Variants in SLC45A2 observed in about 807,000 individuals in gnomAD.
SLC45A2 encodes the protein solute carrier family 45 member 2, also known as membrane-associated transporter protein.
Under a neutral mutation model 45.5 loss-of-function variants are expected in SLC45A2, and 36 were observed. That is an observed-to-expected ratio of 0.79 (90% CI 0.61 to 1.04). The LOEUF is 1.04. Among genes scored for constraint, SLC45A2 ranks in the 50% least tolerant of loss-of-function variants. SLC45A2 has a pLI of 0.00. For synonymous variants in SLC45A2, 306 were observed against 269.3 expected (o/e 1.14, Z -1.33); for missense variants, 719 against 671.0 (o/e 1.07, Z -0.79).
At chr5:33,950,926 C>A (rs969966910) in intron 5 of SLC45A2, among the ~76,000 whole-genome samples, 12 of 152,144 alleles carry the variant, frequency 7.9e-5, no homozygotes, top group Non-Finnish European at 1.5e-4. Context: ...TGTGCAATGC[C>A]CTGGAGTTAT....
At chr5:33,972,381 G>T in intron 2 of SLC45A2, 1 of 382,688 alleles carries the variant, frequency 2.6e-6, no homozygotes, top group Admixed American at 3.3e-5. Flanking sequence ...CCAAATGAAC[G>T]AGCAAGATTA....
chr5:33,971,206 G>C, intron 2 of SLC45A2: 1 of 530,312 alleles, frequency 1.9e-6, no homozygotes, highest in Non-Finnish European at 3.9e-6. Flanking sequence ...AAGAGAGGTG[G>C]AGCCACTGAT....
chr5:33,972,061 G>T (rs1214688440), intron 2 of SLC45A2: 1 of 491,408 alleles, frequency 2.0e-6, no homozygotes, highest in South Asian at 1.5e-5. Flanking sequence ...ATTTCTTAAA[G>T]GTTGTATCTA....
intron 2 of SLC45A2, among the ~76,000 whole-genome samples, chr5:33,967,327 C>T (rs1396467015): frequency 6.6e-6 from 1 of 152,178 alleles, no homozygotes; most frequent in Non-Finnish European, 1.5e-5. Context: ...ATTGCAACTG[C>T]TTGACTTTTA....
At chr5:33,944,975 TG>T (rs2111893985) in intron 6 of SLC45A2, 103 bp from the exon 7 acceptor site, 1 of 1,067,348 alleles carries the variant, frequency 9.4e-7, no homozygotes, top group South Asian at 1.3e-5. Context: ...TAAATACCTT[TG>T]GCTTCGTGGA....
At chr5:33,982,011 C>T (rs1265672607) in intron 2 of SLC45A2, among the ~76,000 whole-genome samples, 1 of 152,258 alleles carries the variant, frequency 6.6e-6, no homozygotes, top group Non-Finnish European at 1.5e-5. Context: ...ACAAAGCATT[C>T]TTAAGAAAGC....
At chr5:33,956,047 C>A (rs1752267103) in intron 3 of SLC45A2, among the ~76,000 whole-genome samples, 1 of 151,816 alleles carries the variant, frequency 6.6e-6, no homozygotes, top group African/African-American at 2.4e-5. Context: ...AGGGGCAGAC[C>A]ATCTACATCA....
At position 33,984,320 on chromosome 5, in the gene SLC45A2, G is replaced by A. The variant is rs149213379; in HGVS notation, c.264C>T (p.Val88=). The A allele has an allele frequency of 3.1e-6, 5 of 1,613,372 alleles. No homozygotes were observed. Among genetic ancestry groups the A allele is most frequent in the South Asian group, 1.1e-5 (1 of 91,068 alleles). The part of the protein sequence containing the change: ...PILGFLLQPV[V]GSASDHCRSR... ...ACCGGCAGTGGTCGCTGGCCGATCC[G>A]ACCACGGGCTGCAGCAGGAATCCCA... is the stretch of plus-strand genomic sequence containing the variant. The change falls in exon 1 of 7, where the codon GTC becomes GTT. Residue 88 remains valine, a synonymous_variant. Transcript: ENST00000296589.
chr5:33,984,260 G>C lies in SLC45A2; in HGVS notation c.324C>G (p.Thr108=), dbSNP rs1753169862. The part of the protein sequence containing the change: ...RWGRRRPYIL[T]LGVMMLVGMA... ...TGCCCACGAGCATCATGACTCCCAG[G>C]GTGAGGATGTAGGGTCTCCGGCGGC... Residue 108 remains threonine (T), a synonymous_variant, in exon 1 of 7, where the codon ACC becomes ACG. Coordinates refer to ENST00000296589, the MANE Select transcript of SLC45A2 (RefSeq NM_016180.5). 2.5e-6 allele frequency: 4 copies of C among 1,614,160 alleles called. No individual in the cohort carries two copies. Among genetic ancestry groups the C allele is most frequent in the Non-Finnish European group, 3.4e-6 (4 of 1,180,024 alleles).
rs550070129 is a variant in SLC45A2, at chr5:33,945,365, A to G, written c.1369-493T>C. 1.2e-4 allele frequency among the ~76,000 whole-genome samples: 18 copies of G among 152,390 alleles called. No individual in the cohort carries two copies. In the South Asian group the frequency reaches 3.7e-3, roughly 32 times the overall value. ...TAGTGTTAAAAATTCAAAGATTTTAAGAAGGATGTTGAATTGCTGATGTCC... is the reference window on the plus strand; with the variant it reads ...TAGTGTTAAAAATTCAAAGATTTTAGGAAGGATGTTGAATTGCTGATGTCC... On this transcript the variant is annotated intron_variant, in intron 6 of 6. Coordinates refer to ENST00000296589, the MANE Select transcript of SLC45A2 (RefSeq NM_016180.5).
At chr5:33,946,918 C>T in intron 6 of SLC45A2, 1 of 1,421,690 alleles carries the variant, frequency 7.0e-7, no homozygotes, top group Non-Finnish European at 9.2e-7. Flanking sequence ...ATGGGAGTAA[C>T]ACTTCTTGCC....
intron 6 of SLC45A2, among the ~76,000 whole-genome samples, chr5:33,945,696 A>T (rs1354127): frequency 0.099 from 15,053 of 152,032 alleles, 1,724 homozygotes; most frequent in East Asian, 0.44. Context: ...ACATCCACTA[A>T]TTTGTTTGCT....
intron 3 of SLC45A2, among the ~76,000 whole-genome samples, chr5:33,955,055 C>T (rs758921676): frequency 6.6e-6 from 1 of 152,186 alleles, no homozygotes; most frequent in Non-Finnish European, 1.5e-5. Flanking sequence ...CTGGTTGATC[C>T]TAACCAAATT....
chr5:33,954,543 C>A, intron 3 of SLC45A2, 39 bp from the exon 4 acceptor site: 1 of 1,611,934 alleles, frequency 6.2e-7, no homozygotes, highest in Non-Finnish European at 8.5e-7. Flanking sequence ...ATCTTCACTG[C>A]AGAAACTCAG....
In SLC45A2 at chr5:33,979,302, G is replaced by A. The variant is rs1429427406; in HGVS notation, c.562+2934C>T. ...TCAAAGATTTCCTGATTGGCAATTG[G>A]TTGAAAGAGTTATCTATAGACTTGG... On this transcript the variant is annotated intron_variant, in intron 2 of 6. Coordinates refer to ENST00000296589, the MANE Select transcript of SLC45A2 (RefSeq NM_016180.5). Among the ~76,000 whole-genome samples the A allele has an allele frequency of 2.0e-5, 3 of 152,332 alleles. No individual in the cohort carries two copies. In the East Asian group the frequency reaches 5.8e-4, roughly 29 times the overall value.
intron 4 of SLC45A2, among the ~76,000 whole-genome samples, chr5:33,952,284 C>A (rs768877724): frequency 1.5e-4 from 23 of 152,160 alleles, no homozygotes; most frequent in African/African-American, 5.5e-4. Flanking sequence ...ATCCACCATG[C>A]CCGGCCTGAA....
chr5:33,978,161 TC>T (rs1337860011), intron 2 of SLC45A2, among the ~76,000 whole-genome samples: 1 of 152,130 alleles, frequency 6.6e-6, no homozygotes, highest in African/African-American at 2.4e-5. Context: ...TTATAACCCT[TC>T]CCTTTGGAGT....
At position 33,982,398 on chromosome 5, in the gene SLC45A2, G is replaced by C; in HGVS notation, c.400C>G (p.Pro134Ala). 6.2e-7 allele frequency: 1 copy of C among 1,613,970 alleles called. No homozygotes were observed. The highest frequency in any genetic ancestry group is 8.5e-7 in the Non-Finnish European group (1 of 1,179,974). ...ATVVAALIAN[P>A]RRKLVWAISV... Reference sequence around the variant, plus strand: ...ATGGCCCAAACCAGCTTCCTCCTTGGGTTAGCAATCAAAGCTAAAAGAAAA... The same window carrying C: ...ATGGCCCAAACCAGCTTCCTCCTTGCGTTAGCAATCAAAGCTAAAAGAAAA... Residue 134 changes from proline to alanine, a missense_variant, in exon 2 of 7, where the codon CCA becomes GCA. By Grantham distance (27) the Pro-to-Ala change is conservative. Transcript: ENST00000296589.
chr5:33,963,707 T>G lies in SLC45A2; in HGVS notation c.872A>C (p.Lys291Thr), dbSNP rs1308986651. The change falls in exon 3 of 7, where the codon AAA (lysine) becomes ACA (threonine). Residue 291 changes from lysine (K) to threonine (T), a missense_variant. Coordinates refer to ENST00000296589, the MANE Select transcript of SLC45A2 (RefSeq NM_016180.5). ...PELAMQGAKN[K>T]NHAEQTRRAM... ...CATCTTTACCTGTTCAGCATGATTT[T>G]TGTTTTTTGCTCCCTGCATTGCCAG... 6.2e-7 allele frequency: 1 copy of G among 1,613,928 alleles called. No individual in the cohort carries two copies. Among genetic ancestry groups the G allele is most frequent in the Non-Finnish European group, 8.5e-7 (1 of 1,180,016 alleles).
Sources: allele counts gnomAD v4.1 joint callset (sites outside exome capture counted in the v4.1 genomes callset), GRCh38; gene constraint gnomAD v4.1.1; transcripts MANE v1.5; gene names NCBI Gene and HGNC (gene_info 2026-07-23, HGNC 2026-07-21).